The following ULK4 variants were observed in gnomAD, a reference collection of about 807,000 sequenced individuals.
ULK4 encodes unc-51 like kinase 4, also known as inactive serine/threonine-protein kinase ULK4.
Under a neutral mutation model 160.6 loss-of-function variants are expected in ULK4, and 133 were observed. The ratio of observed to expected loss-of-function variants is 0.83; its 90% CI spans 0.72 to 0.96. ULK4 has a LOEUF of 0.96. Ranked by LOEUF, ULK4 falls within the 40% of genes least tolerant of loss-of-function variation. The probability of loss-of-function intolerance (pLI) is 0.00; values close to 1 mark genes in which losing one functional copy is unlikely to be tolerated. For synonymous variants in ULK4, 534 were observed against 539.8 expected (o/e 0.99, Z 0.15); for missense variants, 1,580 against 1,499.5 (o/e 1.05, Z -0.89).
intron 19 of ULK4, among the ~76,000 whole-genome samples, chr3:41,803,986 T>C (rs1434970861): frequency 4.6e-5 from 7 of 152,208 alleles, no homozygotes; most frequent in Non-Finnish European, 8.8e-5. Context: ...TTTATAGTCC[T>C]TTGGGTATAT....
At position 41,309,300 on chromosome 3, in the gene ULK4, T is replaced by C. The variant is rs1323271692; in HGVS notation, c.3679-59726A>G. Among the ~76,000 whole-genome samples the C allele has an allele frequency of 2.0e-5, 3 of 151,962 alleles. No homozygotes were observed. The East Asian group carries it at 5.8e-4, about 29-fold the overall frequency. On this transcript the variant is annotated intron_variant, in intron 35 of 36. Transcript: ENST00000301831. ...CATGAAACATCTAGAAACACTGTAA[T>C]GAAACTGTAGAACAACAAAGATAAA...
intron 32 of ULK4, among the ~76,000 whole-genome samples, chr3:41,495,831 CTCA>C (rs941439951): frequency 2.0e-5 from 3 of 151,752 alleles, no homozygotes; most frequent in South Asian, 2.1e-4. Flanking sequence ...TGAAAAAATG[CTCA>C]TCATCACTGG....
intron 5 of ULK4, among the ~76,000 whole-genome samples, chr3:41,921,197 G>A (rs190809932): frequency 1.2e-4 from 18 of 151,944 alleles, no homozygotes; most frequent in South Asian, 2.1e-4. Context: ...CTGTAATCCC[G>A]GCTACACAGG....
intron 18 of ULK4, among the ~76,000 whole-genome samples, chr3:41,821,661 T>G (rs1442611912): frequency 6.6e-6 from 1 of 152,180 alleles, no homozygotes; most frequent in African/African-American, 2.4e-5. Flanking sequence ...GGGTCTTTCC[T>G]GTTTCCACCT....
At chr3:41,641,834 A>T (rs927081352) in intron 30 of ULK4, among the ~76,000 whole-genome samples, 2 of 66,952 alleles carry the variant, frequency 3.0e-5, no homozygotes, top group African/African-American at 5.2e-4. Context: ...AATGCAAGTA[A>T]AAAAAAAAAG....
chr3:41,461,594 A>G (rs1365757403), intron 33 of ULK4, among the ~76,000 whole-genome samples: 1 of 152,214 alleles, frequency 6.6e-6, no homozygotes, highest in African/African-American at 2.4e-5. Context: ...GACTATGAAA[A>G]CAATAAAAAA....
At chr3:41,296,438 G>A (rs540154978) in intron 35 of ULK4, among the ~76,000 whole-genome samples, 3 of 152,250 alleles carry the variant, frequency 2.0e-5, no homozygotes, top group South Asian at 4.2e-4. Context: ...GTGCGTGCTC[G>A]AGGCCACAGG....
chr3:41,735,080 G>A (rs1325005612), intron 22 of ULK4, among the ~76,000 whole-genome samples: 1 of 152,220 alleles, frequency 6.6e-6, no homozygotes, highest in African/African-American at 2.4e-5. Context: ...GGATCGCAGG[G>A]AGACTGAAGG....
chr3:41,839,159 C>T (rs950156112), intron 17 of ULK4, among the ~76,000 whole-genome samples: 1 of 151,858 alleles, frequency 6.6e-6, no homozygotes, highest in African/African-American at 2.4e-5. Context: ...ACCAGCCTGA[C>T]CAACATGGTG....
At chr3:41,911,411 T>C (rs1353939831) in intron 10 of ULK4, 25 bp from the exon 11 acceptor site, 3 of 1,612,928 alleles carry the variant, frequency 1.9e-6, no homozygotes, top group Non-Finnish European at 2.5e-6. Flanking sequence ...TAATATGTTA[T>C]CCAGAAAAGA....
chr3:41,789,528 G>T, intron 21 of ULK4, 133 bp downstream of exon 21: 1 of 762,062 alleles, frequency 1.3e-6, no homozygotes, highest in Non-Finnish European at 2.0e-6. Context: ...GTGGTACAAA[G>T]GTTTGGCAAA....
At chr3:41,833,486 C>T (rs148545439) in intron 18 of ULK4, among the ~76,000 whole-genome samples, 2,242 of 151,866 alleles carry the variant, frequency 0.015, 44 homozygotes, top group African/African-American at 0.052. Context: ...TTAGTAGAGA[C>T]GGGGTTTCAC....
chr3:41,302,564 T>G (rs1236569256), intron 35 of ULK4, among the ~76,000 whole-genome samples: 3 of 152,336 alleles, frequency 2.0e-5, no homozygotes, highest in Admixed American at 2.0e-4. Flanking sequence ...ACTCCGCATG[T>G]TGTAATGAGC....
Position 41,915,862 on chromosome 3 carries a change from G to A in ULK4, c.803+115C>T, listed in dbSNP as rs904358466. ...GTATATTAAGAACAGCACCATTTTA[G>A]AAGTACATAAAAGGGGGAAAAGATT... On this transcript the variant is annotated intron_variant, in intron 8 of 36. Coordinates refer to ENST00000301831, the MANE Select transcript of ULK4 (RefSeq NM_017886.4). 6 of 689,184 alleles carry A rather than the reference G, an allele frequency of 8.7e-6. No individual in the cohort carries two copies. The Admixed American group carries it at 1.7e-4, about 19-fold the overall frequency. 42.7% of individuals were successfully genotyped at this position (689,184 alleles called of 1,614,324 possible). A position where few individuals can be genotyped will look rare whatever the true frequency, so the allele number is the denominator to read the frequency against.
chr3:41,409,082 C>G (rs1357967287), intron 34 of ULK4, among the ~76,000 whole-genome samples: 3 of 151,926 alleles, frequency 2.0e-5, no homozygotes, highest in African/African-American at 4.8e-5. Context: ...GTGGCGAAAC[C>G]CCATCTCTAC....
chr3:41,515,621 A>G (rs1161806776), intron 32 of ULK4, among the ~76,000 whole-genome samples: 2 of 152,204 alleles, frequency 1.3e-5, no homozygotes, highest in Non-Finnish European at 1.5e-5. Flanking sequence ...CCTTCTTCAC[A>G]TGGTGGCAGG....
At chr3:41,824,365 G>A (rs966415557) in intron 18 of ULK4, among the ~76,000 whole-genome samples, 1 of 151,968 alleles carries the variant, frequency 6.6e-6, no homozygotes, top group African/African-American at 2.4e-5. Flanking sequence ...AGCAGGGTGA[G>A]GCATTGCCTC....
intron 29 of ULK4, among the ~76,000 whole-genome samples, chr3:41,666,241 T>C (rs1179314277): frequency 1.3e-5 from 2 of 152,228 alleles, no homozygotes; most frequent in Non-Finnish European, 2.9e-5. Flanking sequence ...AGCTGATGTG[T>C]TGTAGCCCAA....
Position 41,820,575 on chromosome 3 carries a change from T to C in ULK4, c.1765-1069A>G, listed in dbSNP as rs979306318. Among the ~76,000 whole-genome samples the C allele has an allele frequency of 5.3e-5, 8 of 151,914 alleles. No homozygotes were observed. The South Asian group carries it at 6.2e-4, about 12-fold the overall frequency. ...TGTTCTCACTTGTGAGAACTAAACATGAATACACACAGACAGAAGATAGGA... is the reference window on the plus strand; with the variant it reads ...TGTTCTCACTTGTGAGAACTAAACACGAATACACACAGACAGAAGATAGGA... On this transcript the variant is annotated intron_variant, in intron 18 of 36. Transcript: ENST00000301831.
Sources: gnomAD v4.1 joint callset for allele counts (sites outside exome capture counted in the v4.1 genomes callset) on GRCh38, gnomAD v4.1.1 for gene constraint, MANE v1.5 for transcripts, NCBI Gene and HGNC (gene_info 2026-07-23, HGNC 2026-07-21) for gene names.